The following FILIP1L variants were observed in gnomAD, a reference collection of about 807,000 sequenced individuals.
FILIP1L encodes the protein filamin A-interacting protein 1-like.
Under a neutral mutation model 96.6 loss-of-function variants are expected in FILIP1L, and 55 were observed. The observed-to-expected ratio is 0.57, with a 90% CI of 0.46 to 0.71. The LOEUF is 0.71. Ranked by LOEUF, FILIP1L falls within the 30% of genes least tolerant of loss-of-function variation. FILIP1L has a pLI of 0.00. For synonymous variants in FILIP1L, 467 were observed against 473.9 expected, an observed-to-expected ratio of 0.99 and a Z score of 0.19; for missense variants, 1,304 against 1,321.2, an observed-to-expected ratio of 0.99 and a Z score of 0.20.
chr3:100,077,073 G>A (rs1017055078), intron 1 of FILIP1L, among the ~76,000 whole-genome samples: 2 of 152,178 alleles, frequency 1.3e-5, no homozygotes, highest in African/African-American at 2.4e-5. Flanking sequence ...TGCAGATTCC[G>A]GTTAGGTCTC....
At chr3:100,000,120 A>G (rs1214052124) in intron 1 of FILIP1L, among the ~76,000 whole-genome samples, 2 of 152,212 alleles carry the variant, frequency 1.3e-5, no homozygotes, top group South Asian at 4.1e-4. Context: ...ACACTGGCCT[A>G]GAGTCAAGAC....
intron 1 of FILIP1L, among the ~76,000 whole-genome samples, chr3:100,089,619 C>A (rs1462422491): frequency 6.6e-6 from 1 of 152,114 alleles, no homozygotes; most frequent in Non-Finnish European, 1.5e-5. Flanking sequence ...CATTATGGTT[C>A]TTTATATGAT....
At position 99,848,728 on chromosome 3, in the gene FILIP1L, C is replaced by G. The variant is rs202089525; in HGVS notation, c.2948G>C (p.Arg983Thr). 19 of 1,614,048 alleles carry G rather than the reference C, an allele frequency of 1.2e-5. No individual in the cohort carries two copies. The highest frequency in any genetic ancestry group is 1.6e-5 in the Non-Finnish European group (19 of 1,180,026). The change falls in exon 5 of 6, where the codon AGA (arginine) becomes ACA (threonine). Residue 983 changes from arginine (R) to threonine (T), a missense_variant. Physicochemically the swap from Arg to Thr is moderately conservative, Grantham distance 71. Coordinates refer to ENST00000477258, the MANE Select transcript of FILIP1L (RefSeq NM_001387850.1). ...ACCACAAGACTCTGGGGTCTGTGCTCTGGCAAAGGTTGCCATGGTAATTGG... is the reference window on the plus strand; with the variant it reads ...ACCACAAGACTCTGGGGTCTGTGCTGTGGCAAAGGTTGCCATGGTAATTGG... ...MSPITMATFA[R>T]AQTPESCGSL...
At chr3:99,860,886 A>T (rs1035839891) in intron 4 of FILIP1L, among the ~76,000 whole-genome samples, 3 of 152,282 alleles carry the variant, frequency 2.0e-5, no homozygotes, top group Non-Finnish European at 2.9e-5. Flanking sequence ...TACCGTGAAT[A>T]TTGTGCCTCT....
chr3:99,965,514 A>C (rs1403594887), intron 1 of FILIP1L, among the ~76,000 whole-genome samples: 1 of 152,096 alleles, frequency 6.6e-6, no homozygotes, highest in Non-Finnish European at 1.5e-5. Context: ...AATTTCTTCC[A>C]GATACTTTTC....
At chr3:99,940,674 G>C (rs79834605) in intron 1 of FILIP1L, among the ~76,000 whole-genome samples, 5 of 152,266 alleles carry the variant, frequency 3.3e-5, no homozygotes, top group Admixed American at 3.3e-4. Context: ...AGATAAAAAT[G>C]CACCTTTCAG....
chr3:99,946,477 T>G (rs1221062394), intron 1 of FILIP1L, among the ~76,000 whole-genome samples: 2 of 152,218 alleles, frequency 1.3e-5, no homozygotes, highest in Non-Finnish European at 2.9e-5. Context: ...TTGGTAGTGT[T>G]TTCTGACACA....
intron 4 of FILIP1L, among the ~76,000 whole-genome samples, chr3:99,882,207 T>G (rs1283757354): frequency 1.3e-5 from 2 of 152,238 alleles, no homozygotes; most frequent in African/African-American, 4.8e-5. Flanking sequence ...CTTCTAAGAT[T>G]ATTTTTATGA....
chr3:99,873,053 C>T (rs1029272951), intron 4 of FILIP1L, among the ~76,000 whole-genome samples: 1 of 151,916 alleles, frequency 6.6e-6, no homozygotes, highest in African/African-American at 2.4e-5. Context: ...AAATGACCAG[C>T]CATAGGAGGT....
intron 1 of FILIP1L, among the ~76,000 whole-genome samples, chr3:100,010,772 G>A (rs1296792676): frequency 2.4e-5 from 3 of 123,890 alleles, no homozygotes; most frequent in South Asian, 5.7e-4. Flanking sequence ...GCGCCTCCAC[G>A]CCCGGATTTT....
intron 1 of FILIP1L, among the ~76,000 whole-genome samples, chr3:100,022,416 A>G (rs1023148126): frequency 3.3e-5 from 5 of 152,210 alleles, no homozygotes; most frequent in South Asian, 2.1e-4. Context: ...ACTCTGCTAC[A>G]GTATTCATTC....
intron 1 of FILIP1L, among the ~76,000 whole-genome samples, chr3:99,980,013 T>C (rs1442634383): frequency 2.0e-5 from 3 of 151,844 alleles, no homozygotes; most frequent in Non-Finnish European, 4.4e-5. Context: ...ACAGAAATTA[T>C]TAAAGCAGCA....
intron 1 of FILIP1L, among the ~76,000 whole-genome samples, chr3:100,016,482 G>C (rs1010557928): frequency 2.0e-5 from 3 of 152,192 alleles, no homozygotes; most frequent in Non-Finnish European, 4.4e-5. Flanking sequence ...ACTACACCCA[G>C]CTGGGTCAGC....
At chr3:99,848,271 T>C (rs749676489) in intron 5 of FILIP1L, 24 bp downstream of exon 5, 3 of 1,612,198 alleles carry the variant, frequency 1.9e-6, no homozygotes, top group Non-Finnish European at 2.5e-6. Context: ...AGGGTGAGCG[T>C]GGTCAGTTAT....
chr3:99,869,185 G>T (rs1004249664), intron 4 of FILIP1L, among the ~76,000 whole-genome samples: 1 of 152,158 alleles, frequency 6.6e-6, no homozygotes, highest in Non-Finnish European at 1.5e-5. Context: ...GTGAAGAGAA[G>T]AATTCACTTG....
At chr3:100,079,141 C>T (rs762864776) in intron 1 of FILIP1L, among the ~76,000 whole-genome samples, 24 of 152,148 alleles carry the variant, frequency 1.6e-4, no homozygotes, top group Non-Finnish European at 2.9e-4. Context: ...GTCCTCTCAG[C>T]GTTAGCAGTC....
At chr3:100,014,464 T>G (rs533440178) in intron 1 of FILIP1L, among the ~76,000 whole-genome samples, 1 of 152,136 alleles carries the variant, frequency 6.6e-6, no homozygotes. Flanking sequence ...CCACCAACAG[T>G]GTATAAGAGT....
intron 1 of FILIP1L, among the ~76,000 whole-genome samples, chr3:100,056,701 T>TA (rs71299385): frequency 0.16 from 23,903 of 145,258 alleles, 2,183 homozygotes; most frequent in South Asian, 0.22. Flanking sequence ...TCTAGACCAT[T>TA]AAAAAAAAAA....
chr3:100,060,036 C>T (rs2065533208), intron 1 of FILIP1L, among the ~76,000 whole-genome samples: 2 of 120,668 alleles, frequency 1.7e-5, no homozygotes, highest in East Asian at 2.3e-4. Flanking sequence ...TGGAGGAGGA[C>T]GGTTGGGGAA....
Sources: allele counts gnomAD v4.1 joint callset (sites outside exome capture counted in the v4.1 genomes callset), GRCh38; gene constraint gnomAD v4.1.1; transcripts MANE v1.5; gene names NCBI Gene and HGNC (gene_info 2026-07-23, HGNC 2026-07-21).